The following HSF2BP variants were observed in gnomAD, a reference collection of about 807,000 sequenced individuals.
The protein encoded by HSF2BP is heat shock factor 2-binding protein.
HSF2BP carries 35 observed loss-of-function variants against 35.0 expected under a neutral mutation model. The observed-to-expected ratio is 1.00, with a 90% confidence interval of 0.76 to 1.32. The LOEUF (loss-of-function observed/expected upper bound fraction) is 1.32. Among genes scored for constraint, HSF2BP ranks in the 40% most tolerant of loss-of-function variants. The pLI is 0.00. For missense variants in HSF2BP, 326 were observed against 321.7 expected (o/e 1.01, Z -0.10); for synonymous variants, 114 against 117.4 (o/e 0.97, Z 0.18).
intron 8 of HSF2BP, among the ~76,000 whole-genome samples, chr21:43,572,527 G>A (rs1450779423): frequency 6.6e-6 from 1 of 152,194 alleles, no homozygotes; most frequent in Non-Finnish European, 1.5e-5. Flanking sequence ...CCTACATCCA[G>A]CACAAGCGCA....
At chr21:43,501,371 C>T in the HSF2BP span, among the ~76,000 whole-genome samples, 2 of 107,580 alleles carry the variant, frequency 1.9e-5, no homozygotes, top group Non-Finnish European at 3.8e-5. Context: ...TCTATTTGAC[C>T]TGCCTGCTAG....
At chr21:43,655,140 G>C (rs1468632101) in intron 3 of HSF2BP, among the ~76,000 whole-genome samples, 1 of 152,228 alleles carries the variant, frequency 6.6e-6, no homozygotes, top group Non-Finnish European at 1.5e-5. Context: ...TAGAATGCCA[G>C]TTTATTAATT....
intron 4 of HSF2BP, among the ~76,000 whole-genome samples, chr21:43,636,445 C>T (rs1375569108): frequency 6.6e-6 from 1 of 151,856 alleles, no homozygotes; most frequent in Non-Finnish European, 1.5e-5. Flanking sequence ...TCAAAAGATA[C>T]CTTATAAAGA....
rs142293054 is a variant in HSF2BP, at chr21:43,575,939, G to A, written c.796+16286C>T. Reference sequence around the variant, plus strand: ...TTGAGATCAGCCTGGCCAACATGGCGAAACCCCATCTCTACTGAAAATACA... The same window carrying A: ...TTGAGATCAGCCTGGCCAACATGGCAAAACCCCATCTCTACTGAAAATACA... On this transcript the variant is annotated intron_variant, in intron 8 of 8. Coordinates refer to ENST00000291560, the MANE Select transcript of HSF2BP (RefSeq NM_007031.2). Among the ~76,000 whole-genome samples, 669 of 152,208 alleles carry A rather than the reference G, an allele frequency of 4.4e-3. 5 individuals carry two copies. Among genetic ancestry groups the A allele is most frequent in the Middle Eastern group, 0.017 (5 of 294 alleles).
At chr21:43,634,567 A>C (rs1270276859) in intron 4 of HSF2BP, among the ~76,000 whole-genome samples, 1 of 152,216 alleles carries the variant, frequency 6.6e-6, no homozygotes, top group Non-Finnish European at 1.5e-5. Context: ...TGGAGGAAAA[A>C]GGGAGCTTTG....
chr21:43,645,718 T>G (rs529069479), intron 3 of HSF2BP, among the ~76,000 whole-genome samples: 1 of 152,210 alleles, frequency 6.6e-6, no homozygotes, highest in East Asian at 1.9e-4. Context: ...TACTCCACCC[T>G]AGAGGAGAAA....
intron 3 of HSF2BP, among the ~76,000 whole-genome samples, chr21:43,653,213 A>AAGGGG (rs2082817513): frequency 8.7e-6 from 1 of 114,980 alleles, no homozygotes; most frequent in Non-Finnish European, 1.8e-5. Flanking sequence ...AAGGGAAGGG[A>AAGGGG]AGGGGAAGGG....
rs560832946 is a variant in HSF2BP at position 43,629,097 on chromosome 21, C to T, written c.574+1225G>A. ...TGACTCCATGCCTGCTAATACAATA[C>T]CTATTCTTCAGCTCATATATCAAAA... On this transcript the variant is annotated intron_variant, in intron 6 of 8. Coordinates refer to ENST00000291560, the MANE Select transcript of HSF2BP (RefSeq NM_007031.2). 2.6e-5 allele frequency among the ~76,000 whole-genome samples: 4 copies of T among 152,302 alleles called. No individual in the cohort carries two copies. In the South Asian group the frequency reaches 8.3e-4, roughly 32 times the overall value.
intron 3 of HSF2BP, among the ~76,000 whole-genome samples, chr21:43,648,311 T>C (rs1009158674): frequency 4.6e-5 from 7 of 152,206 alleles, no homozygotes; most frequent in African/African-American, 1.7e-4. Flanking sequence ...CTAGAGAAGA[T>C]GACCAAGGAT....
chr21:43,658,169 G>C lies in HSF2BP; in HGVS notation c.-73C>G, dbSNP rs145641106. ...TGACCCCTCACGCCAGAAAGCGCGG[G>C]AACGAATCCACGCCGGGGGTCGGGA... On this transcript the variant is annotated 5_prime_UTR_variant, in exon 2 of 9. Coordinates refer to ENST00000291560, the MANE Select transcript of HSF2BP (RefSeq NM_007031.2). 6.2e-3 allele frequency: 8,849 copies of C among 1,436,454 alleles called. 41 individuals are homozygous for C. Among genetic ancestry groups the C allele is most frequent in the Non-Finnish European group, 6.8e-3 (7,471 of 1,091,482 alleles). 89.0% of individuals were successfully genotyped at this position (1,436,454 alleles called of 1,614,324 possible).
At chr21:43,656,231 A>C (rs1306369712) in intron 3 of HSF2BP, among the ~76,000 whole-genome samples, 1 of 152,252 alleles carries the variant, frequency 6.6e-6, no homozygotes. Flanking sequence ...ACTGACAAGT[A>C]AACTCCATGC....
intron 6 of HSF2BP, among the ~76,000 whole-genome samples, chr21:43,623,027 C>T (rs145506113): frequency 8.0e-5 from 12 of 150,670 alleles, no homozygotes; most frequent in Non-Finnish European, 1.3e-4. Context: ...TCGTCTGAAA[C>T]TCCTGACCTC....
At chr21:43,585,599 CTG>C (rs1239159336) in intron 8 of HSF2BP, among the ~76,000 whole-genome samples, 1 of 151,320 alleles carries the variant, frequency 6.6e-6, no homozygotes, top group African/African-American at 2.4e-5. Flanking sequence ...TGAGCCAAGA[CTG>C]TGCCACTGCA....
intron 3 of HSF2BP, among the ~76,000 whole-genome samples, chr21:43,648,108 C>T (rs979521507): frequency 3.9e-5 from 6 of 152,152 alleles, no homozygotes; most frequent in African/African-American, 1.4e-4. Context: ...CCGCCTCCAT[C>T]TTGACCACCT....
At chr21:43,575,932 A>G (rs1456036905) in intron 8 of HSF2BP, among the ~76,000 whole-genome samples, 1 of 152,194 alleles carries the variant, frequency 6.6e-6, no homozygotes, top group Non-Finnish European at 1.5e-5. Context: ...AGCCTGGCCA[A>G]CATGGCGAAA....
At chr21:43,581,968 C>T (rs1390314024) in intron 8 of HSF2BP, among the ~76,000 whole-genome samples, 1 of 107,590 alleles carries the variant, frequency 9.3e-6, no homozygotes, top group African/African-American at 4.0e-5. Context: ...GAGATGAGGG[C>T]CTGCTGTGGG....
chr21:43,595,753 T>TTTTTTTTTTTTTG (rs2081978122), intron 7 of HSF2BP, among the ~76,000 whole-genome samples: 1 of 126,290 alleles, frequency 7.9e-6, no homozygotes, highest in Non-Finnish European at 1.6e-5. Context: ...TTTTTTTTTT[T>TTTTTTTTTTTTTG]TTTTTTGTGA....
intron 7 of HSF2BP, among the ~76,000 whole-genome samples, chr21:43,603,742 T>C (rs747854830): frequency 6.6e-5 from 10 of 152,032 alleles, no homozygotes; most frequent in Non-Finnish European, 1.5e-4. Flanking sequence ...GTTCCTAGAT[T>C]TGGAGAGTTA....
chr21:43,648,493 G>A (rs866317989), intron 3 of HSF2BP, among the ~76,000 whole-genome samples: 1 of 151,998 alleles, frequency 6.6e-6, no homozygotes, highest in Non-Finnish European at 1.5e-5. Context: ...GTTAGTTCCC[G>A]GATGCTTCTT....
Sources: allele counts gnomAD v4.1 joint callset (sites outside exome capture counted in the v4.1 genomes callset), GRCh38; gene constraint gnomAD v4.1.1; transcripts MANE v1.5; gene names NCBI Gene and HGNC (gene_info 2026-07-23, HGNC 2026-07-21).